Variants in ZFP37 observed in about 807,000 individuals in gnomAD.
ZFP37 encodes ZFP37 zinc finger protein.
A neutral mutation model predicts 52.1 loss-of-function variants in ZFP37; 38 were observed. The ratio of observed to expected loss-of-function variants is 0.73; its 90% CI spans 0.56 to 0.96. The LOEUF (loss-of-function observed/expected upper bound fraction) is 0.96, where lower values mean the gene tolerates loss of function less well. Ranked by LOEUF, ZFP37 falls within the 40% of genes least tolerant of loss-of-function variation. The pLI, the probability that ZFP37 is intolerant of heterozygous loss-of-function variation, is 0.00. For synonymous variants in ZFP37, 253 were observed against 259.5 expected (o/e 0.98, Z 0.24); for missense variants, 695 against 741.4 (o/e 0.94, Z 0.73).
rs1829073583 is a variant in ZFP37, at chr9:113,052,421, A to T, written c.133-2549T>A. On this transcript the variant is annotated intron_variant, in intron 1 of 3. Coordinates refer to ENST00000374227, the MANE Select transcript of ZFP37 (RefSeq NM_003408.3). This position sits in a 1 kb window ranked among gnomAD's most constrained non-coding sequence, Gnocchi z 4.1. ...GCCATTAACCCTTCTGGGTCCGGTG[A>T]TTTGCTAGGAGGACTCACATGACTC... is the stretch of plus-strand genomic sequence containing the variant. Among the ~76,000 whole-genome samples, 1 of 152,142 alleles carries T rather than the reference A, an allele frequency of 6.6e-6. No homozygotes were observed. The highest frequency in any genetic ancestry group is 1.5e-5 in the Non-Finnish European group (1 of 68,038).
rs142435949 is a variant in ZFP37 at position 113,040,045 on chromosome 9, T to G, written c.*2680A>C. Reference sequence around the variant, plus strand: ...TAACAAATCATTCAGGCAATTTTTATGCACACTAGAGTTTACGTATCGATT... The same window carrying G: ...TAACAAATCATTCAGGCAATTTTTAGGCACACTAGAGTTTACGTATCGATT... On this transcript the variant is annotated 3_prime_UTR_variant, in exon 4 of 4. Coordinates refer to ENST00000374227, the MANE Select transcript of ZFP37 (RefSeq NM_003408.3). 1.2e-4 allele frequency: 19 copies of G among 152,348 alleles called. No homozygotes were observed. The highest frequency in any genetic ancestry group is 2.4e-4 in the Non-Finnish European group (16 of 68,024). The allele number at this position is 152,348 out of a possible 1,614,324, so 9.4% of individuals were successfully genotyped here.
In ZFP37 at chr9:113,040,328, T is replaced by G. The variant is rs779695679; in HGVS notation, c.*2397A>C. On this transcript the variant is annotated 3_prime_UTR_variant, in exon 4 of 4. Coordinates refer to ENST00000374227, the MANE Select transcript of ZFP37 (RefSeq NM_003408.3). ...TTCATCCATCTAAAAAGTGCAGGCT[T>G]TCTACAGCTCTAGACAGTGATGACT... is the stretch of plus-strand genomic sequence containing the variant. 1 of 152,232 alleles carries G rather than the reference T, an allele frequency of 6.6e-6. No individual in the cohort carries two copies. Among genetic ancestry groups the G allele is most frequent in the Non-Finnish European group, 1.5e-5 (1 of 68,036 alleles). The allele number at this position is 152,232 out of a possible 1,614,324, so 9.4% of individuals were successfully genotyped here.
chr9:113,038,377 T>A lies in ZFP37; in HGVS notation c.*4348A>T, dbSNP rs1220253616. 6.6e-6 allele frequency: 1 copy of A among 152,166 alleles called. No homozygotes were observed. Among genetic ancestry groups the A allele is most frequent in the Non-Finnish European group, 1.5e-5 (1 of 68,022 alleles). The allele number at this position is 152,166 out of a possible 1,614,324, so 9.4% of individuals were successfully genotyped here. On this transcript the variant is annotated 3_prime_UTR_variant, in exon 4 of 4. Coordinates refer to ENST00000374227, the MANE Select transcript of ZFP37 (RefSeq NM_003408.3). ...TTAAATTAAAATCCTAATGTGCATA[T>A]AGTTTTGTAAACTGTTTTTTATTTA...
chr9:113,052,557 C>T lies in ZFP37; in HGVS notation c.133-2685G>A, dbSNP rs1829075556. 6.6e-6 allele frequency among the ~76,000 whole-genome samples: 1 copy of T among 152,144 alleles called. No individual in the cohort carries two copies. The highest frequency in any genetic ancestry group is 2.4e-5 in the African/African-American group (1 of 41,432). ...CACCAGGCACCAGCATCCATGAGTC[C>T]TCTCCCAGTGAAGTCATATAAAACA... On this transcript the variant is annotated intron_variant, in intron 1 of 3. Coordinates refer to ENST00000374227, the MANE Select transcript of ZFP37 (RefSeq NM_003408.3). This position sits in a 1 kb window ranked among gnomAD's most constrained non-coding sequence, Gnocchi z 4.1.
chr9:113,054,796 T>C (rs1304343379), intron 1 of ZFP37, among the ~76,000 whole-genome samples: 2 of 152,358 alleles, frequency 1.3e-5, no homozygotes, highest in East Asian at 1.9e-4. Flanking sequence ...TTTGATTTCA[T>C]TTTGCTGCTA....
Position 113,054,865 on chromosome 9 carries a change from C to T in ZFP37, c.132+1692G>A, listed in dbSNP as rs532043702. Among the ~76,000 whole-genome samples, 8 of 152,332 alleles carry T rather than the reference C, an allele frequency of 5.3e-5. No individual in the cohort carries two copies. In the South Asian group the frequency reaches 1.4e-3, roughly 28 times the overall value. Reference sequence around the variant, plus strand: ...TTTGACTATTGCAAAAAGTTCCTAACTGACCTCCCTATATCTACCTACTCT... The same window carrying T: ...TTTGACTATTGCAAAAAGTTCCTAATTGACCTCCCTATATCTACCTACTCT... On this transcript the variant is annotated intron_variant, in intron 1 of 3. Transcript: ENST00000374227.
At position 113,040,497 on chromosome 9, in the gene ZFP37, T is replaced by C. The variant is rs1037096164; in HGVS notation, c.*2228A>G. 7 of 152,256 alleles carry C rather than the reference T, an allele frequency of 4.6e-5. No homozygotes were observed. Among genetic ancestry groups the C allele is most frequent in the Admixed American group, 1.3e-4 (2 of 15,284 alleles). The allele number at this position is 152,256 out of a possible 1,614,324, so 9.4% of individuals were successfully genotyped here. A position where few individuals can be genotyped will look rare whatever the true frequency, so the allele number is the denominator to read the frequency against. On this transcript the variant is annotated 3_prime_UTR_variant, in exon 4 of 4. Coordinates refer to ENST00000374227, the MANE Select transcript of ZFP37 (RefSeq NM_003408.3). The stretch of plus-strand genomic sequence containing the variant: ...ATGAGTTGAGCTTTCAACCCGTGCA[T>C]GTGTATGCATGTGTGCACATGCACA...
chr9:113,049,000 G>A (rs927706551), intron 3 of ZFP37, among the ~76,000 whole-genome samples: 1 of 152,124 alleles, frequency 6.6e-6, no homozygotes, highest in Non-Finnish European at 1.5e-5. Flanking sequence ...TAGGGCTGTG[G>A]CTTGAGCAAG....
intron 3 of ZFP37, among the ~76,000 whole-genome samples, chr9:113,047,949 C>T (rs2118701625): frequency 6.6e-6 from 1 of 152,212 alleles, no homozygotes. Flanking sequence ...CTTTTATTTG[C>T]ACAATGAATA....
chr9:113,053,991 G>A (rs1587916485), intron 1 of ZFP37, among the ~76,000 whole-genome samples: 1 of 152,078 alleles, frequency 6.6e-6, no homozygotes, highest in Admixed American at 6.6e-5. Flanking sequence ...CCTATACAAC[G>A]TCCATTTCTC....
At position 113,044,250 on chromosome 9, in the gene ZFP37, T is replaced by C; in HGVS notation, c.368A>G (p.Asp123Gly). 6.4e-7 allele frequency: 1 copy of C among 1,564,838 alleles called. No individual in the cohort carries two copies. Among genetic ancestry groups the C allele is most frequent in the South Asian group, 1.2e-5 (1 of 82,766 alleles). ...AGATTTCTGGATATTTTCAAGCTGG[T>C]CATCATCTTTCTGGACTTCTAAAAT... ...ETDGKVQKDD[D>G]QLENIQKSQN... The change falls in exon 4 of 4, where the codon GAC becomes GGC. Residue 123 changes from aspartate (D) to glycine (G), a missense_variant. Around this residue, in one of 2 missense-constraint regions of ZFP37, gnomAD observed 369 missense variants for 340.9 expected, o/e 1.08. Coordinates refer to ENST00000374227, the MANE Select transcript of ZFP37 (RefSeq NM_003408.3).
At chr9:113,055,529 C>T (rs1380737977) in intron 1 of ZFP37, among the ~76,000 whole-genome samples, 2 of 152,136 alleles carry the variant, frequency 1.3e-5, no homozygotes, top group South Asian at 2.1e-4. Flanking sequence ...AACAACAACA[C>T]CAAACAAATA....
rs139554975 is a variant in ZFP37 at position 113,043,543 on chromosome 9, C to T, written c.1075G>A (p.Gly359Ser). The change falls in exon 4 of 4, where the codon GGT (glycine) becomes AGT (serine). Residue 359 changes from glycine (G) to serine (S), a missense_variant. Physicochemically the swap from Gly to Ser is moderately conservative, Grantham distance 56. Around this residue, in one of 2 missense-constraint regions of ZFP37, gnomAD observed 326 missense variants for 400.5 expected, o/e 0.81. Transcript: ENST00000374227. Reference sequence around the variant, plus strand: ...TGGTCAGTGAGTGCATGTTTATGACCATGGGCTTTGCCACACTGAATACAT... The same window carrying T: ...TGGTCAGTGAGTGCATGTTTATGACTATGGGCTTTGCCACACTGAATACAT... The part of the protein sequence containing the change: ...YECIQCGKAH[G>S]HKHALTDHLR... 3 of 1,614,022 alleles carry T rather than the reference C, an allele frequency of 1.9e-6. No individual in the cohort carries two copies. Among genetic ancestry groups the T allele is most frequent in the Non-Finnish European group, 2.5e-6 (3 of 1,179,932 alleles).
At chr9:113,055,060 C>T (rs1460799678) in intron 1 of ZFP37, among the ~76,000 whole-genome samples, 2 of 152,196 alleles carry the variant, frequency 1.3e-5, no homozygotes, top group Non-Finnish European at 2.9e-5. Context: ...TACCTTCCTA[C>T]CACTATGATT....
Position 113,043,520 on chromosome 9 carries a change from G to T in ZFP37, c.1098C>A (p.Asp366Glu), listed in dbSNP as rs2118686069. The change falls in exon 4 of 4, where the codon GAC (aspartate) becomes GAA (glutamate). Residue 366 changes from aspartate to glutamate, a missense_variant. Coordinates refer to ENST00000374227, the MANE Select transcript of ZFP37 (RefSeq NM_003408.3). ...TTTCTCCAGTATGAATTCTTAGATG[G>T]TCAGTGAGTGCATGTTTATGACCAT... ...KAHGHKHALTDHLRIHTGEKP... is the reference protein window; with the variant it reads ...KAHGHKHALTEHLRIHTGEKP... 1.2e-6 allele frequency: 2 copies of T among 1,614,042 alleles called. No individual in the cohort carries two copies. Among genetic ancestry groups the T allele is most frequent in the East Asian group, 4.5e-5 (2 of 44,870 alleles).
In ZFP37 at chr9:113,038,813, A is replaced by G. The variant is rs1828803613; in HGVS notation, c.*3912T>C. The stretch of plus-strand genomic sequence containing the variant: ...AATAAAACAAAAAAAGAAAGATTCA[A>G]TTTCCTCAAGCCACCTGAAACTAGG... On this transcript the variant is annotated 3_prime_UTR_variant, in exon 4 of 4. Transcript: ENST00000374227. 3.3e-5 allele frequency: 5 copies of G among 151,998 alleles called. No individual in the cohort carries two copies. The South Asian group carries it at 8.3e-4, about 25-fold the overall frequency. 9.4% of individuals were successfully genotyped at this position (151,998 alleles called of 1,614,324 possible). A position where few individuals can be genotyped will look rare whatever the true frequency, so the allele number is the denominator to read the frequency against.
At position 113,041,665 on chromosome 9, in the gene ZFP37, T is replaced by C. The variant is rs1049377585; in HGVS notation, c.*1060A>G. ...TTGTGTGTGATAGAAAAAGTCTTTA[T>C]GAATTCAACATCAAGTTTCATACTA... On this transcript the variant is annotated 3_prime_UTR_variant, in exon 4 of 4. Transcript: ENST00000374227. The C allele has an allele frequency of 6.6e-6, 1 of 152,240 alleles. No homozygotes were observed. The highest frequency in any genetic ancestry group is 6.5e-5 in the Admixed American group (1 of 15,280). The allele number at this position is 152,240 out of a possible 1,614,324, so 9.4% of individuals were successfully genotyped here. A position where few individuals can be genotyped will look rare whatever the true frequency, so the allele number is the denominator to read the frequency against.
intron 1 of ZFP37, among the ~76,000 whole-genome samples, chr9:113,051,468 G>A (rs188157465): frequency 1.1e-4 from 16 of 151,882 alleles, no homozygotes; most frequent in African/African-American, 3.9e-4. Flanking sequence ...TGGGGTGGGG[G>A]AGCAGATAAA....
intron 1 of ZFP37, among the ~76,000 whole-genome samples, chr9:113,051,893 C>T (rs1829063973): frequency 1.3e-5 from 2 of 152,174 alleles, no homozygotes; most frequent in Non-Finnish European, 2.9e-5. Flanking sequence ...TGCCTAATTA[C>T]TGGGCCTATA....
Sources: allele counts gnomAD v4.1 joint callset (sites outside exome capture counted in the v4.1 genomes callset), GRCh38; gene constraint gnomAD v4.1.1; regional missense constraint gnomAD v4.1.1; non-coding constraint Gnocchi (gnomAD v3.1); transcripts MANE v1.5; gene names NCBI Gene and HGNC (gene_info 2026-07-23, HGNC 2026-07-21).